The following OPCML variants were observed in gnomAD, a reference collection of about 807,000 sequenced individuals.
The protein encoded by OPCML is opioid binding protein/cell adhesion molecule like.
A neutral mutation model predicts 37.8 loss-of-function variants in OPCML; 13 were observed. The ratio of observed to expected loss-of-function variants is 0.34; its 90% CI spans 0.22 to 0.55. OPCML has a LOEUF of 0.55. Among genes scored for constraint, OPCML ranks in the 20% least tolerant of loss-of-function variants. The pLI is 0.91. For synonymous variants in OPCML, 176 were observed against 168.8 expected, an observed-to-expected ratio of 1.04 and a Z score of -0.33; for missense variants, 341 against 435.6, an observed-to-expected ratio of 0.78 and a Z score of 1.93.
chr11:132,931,601 G>A (rs148363135), intron 2 of OPCML, among the ~76,000 whole-genome samples: 18 of 152,296 alleles, frequency 1.2e-4, no homozygotes, highest in Non-Finnish European at 2.4e-4. Context: ...AAATCACAGT[G>A]AGATGCCACT....
chr11:133,367,129 C>T (rs188302563), intron 1 of OPCML, among the ~76,000 whole-genome samples: 21 of 152,278 alleles, frequency 1.4e-4, no homozygotes, highest in East Asian at 3.9e-4. Context: ...CAGGCATGTA[C>T]CACGACACCC....
chr11:132,554,865 T>TTTG (rs2096390872), intron 3 of OPCML, among the ~76,000 whole-genome samples: 1 of 102,340 alleles, frequency 9.8e-6, no homozygotes, highest in Non-Finnish European at 1.7e-5. Context: ...GGGGTAAAGT[T>TTTG]TTTTTTTTTT....
intron 1 of OPCML, among the ~76,000 whole-genome samples, chr11:133,185,564 T>C (rs1174294313): frequency 6.6e-6 from 1 of 152,162 alleles, no homozygotes; most frequent in Non-Finnish European, 1.5e-5. Context: ...GCATAGGGAA[T>C]AATCTGGAAG....
chr11:132,529,116 A>G lies in OPCML; in HGVS notation c.450T>C (p.Cys150=), dbSNP rs200982224. 6.2e-7 allele frequency: 1 copy of G among 1,613,586 alleles called. No homozygotes were observed. Among genetic ancestry groups the G allele is most frequent in the East Asian group, 2.2e-5 (1 of 44,828 alleles). The change falls in exon 4 of 8, where the codon TGT becomes TGC. Residue 150 remains cysteine, a synonymous_variant. Coordinates refer to ENST00000524381, the MANE Select transcript of OPCML (RefSeq NM_001012393.5). ...VNEGSSVTLL[C]LAIGRPEPTV... ...TTGGCTCTGGTCTGCCAATAGCAAG[A>G]CACAGCAGGGTCACACTGCTTCCCT...
chr11:133,042,381 A>C (rs929726009), intron 1 of OPCML, among the ~76,000 whole-genome samples: 2 of 152,210 alleles, frequency 1.3e-5, no homozygotes, highest in African/African-American at 4.8e-5. Flanking sequence ...AAACCCTTTG[A>C]CAGATGCATT....
chr11:133,392,082 T>C (rs1007060163), intron 1 of OPCML, among the ~76,000 whole-genome samples: 3 of 152,236 alleles, frequency 2.0e-5, no homozygotes, highest in Admixed American at 6.5e-5. Context: ...ACTAATTAAA[T>C]ATTAAGATAT....
intron 2 of OPCML, among the ~76,000 whole-genome samples, chr11:132,782,423 C>A (rs925164561): frequency 1.3e-5 from 2 of 152,190 alleles, no homozygotes; most frequent in African/African-American, 4.8e-5. Context: ...CTGGTGGCTG[C>A]AGGATAAATG....
intron 1 of OPCML, among the ~76,000 whole-genome samples, chr11:133,117,131 A>G (rs2137106988): frequency 1.3e-5 from 2 of 152,332 alleles, no homozygotes; most frequent in African/African-American, 4.8e-5. Flanking sequence ...TACTCAAATT[A>G]TCCCAGATTT....
intron 1 of OPCML, among the ~76,000 whole-genome samples, chr11:133,441,970 T>G (rs1296016040): frequency 6.6e-6 from 1 of 152,206 alleles, no homozygotes; most frequent in Non-Finnish European, 1.5e-5. Flanking sequence ...CTACTAAAAT[T>G]AATAAAATGC....
At chr11:132,556,525 AC>A (rs1157617951) in intron 3 of OPCML, among the ~76,000 whole-genome samples, 1 of 152,210 alleles carries the variant, frequency 6.6e-6, no homozygotes, top group African/African-American at 2.4e-5. Flanking sequence ...CAAAGGTCAC[AC>A]AAACAGGAGA....
intron 2 of OPCML, among the ~76,000 whole-genome samples, chr11:132,867,985 G>A (rs1023279661): frequency 6.6e-6 from 1 of 152,186 alleles, no homozygotes; most frequent in African/African-American, 2.4e-5. Flanking sequence ...TCGGGGCTCC[G>A]TGTTCAAGCC....
chr11:133,514,529 C>T (rs1035117983), intron 1 of OPCML, among the ~76,000 whole-genome samples: 5 of 152,278 alleles, frequency 3.3e-5, no homozygotes, highest in South Asian at 2.1e-4. Flanking sequence ...TCTGAATGTC[C>T]TGCCAACGAC....
intron 2 of OPCML, among the ~76,000 whole-genome samples, chr11:132,887,262 G>A (rs1943460239): frequency 6.6e-6 from 1 of 152,164 alleles, no homozygotes; most frequent in Non-Finnish European, 1.5e-5. Flanking sequence ...GCTCCACCAC[G>A]GAGCCTAGGT....
At chr11:133,524,550 T>C (rs1948452939) in intron 1 of OPCML, among the ~76,000 whole-genome samples, 1 of 152,212 alleles carries the variant, frequency 6.6e-6, no homozygotes, top group Non-Finnish European at 1.5e-5. Flanking sequence ...TTAAACGTGC[T>C]GAGTAATTTT....
At chr11:132,758,214 G>A (rs1946128690) in intron 2 of OPCML, among the ~76,000 whole-genome samples, 1 of 152,162 alleles carries the variant, frequency 6.6e-6, no homozygotes, top group Non-Finnish European at 1.5e-5. Flanking sequence ...TAGCCTTCTA[G>A]TATAGTTTGA....
At chr11:132,723,363 G>A (rs757221171) in intron 2 of OPCML, among the ~76,000 whole-genome samples, 4 of 152,206 alleles carry the variant, frequency 2.6e-5, no homozygotes, top group Non-Finnish European at 5.9e-5. Flanking sequence ...TGGGCTTTGA[G>A]CCAAGCAGAT....
intron 3 of OPCML, among the ~76,000 whole-genome samples, chr11:132,635,550 C>A (rs10894595): frequency 1 from 148,283 of 148,288 alleles, 74,139 homozygotes; most frequent in Middle Eastern, 1. Context: ...AAAAAAAAGC[C>A]AGACTTCATG....
chr11:132,963,273 C>T (rs534431941), intron 1 of OPCML, among the ~76,000 whole-genome samples: 83 of 152,002 alleles, frequency 5.5e-4, no homozygotes, highest in South Asian at 4.2e-4. Context: ...ACACAACAAT[C>T]ACTACACCAC....
intron 1 of OPCML, among the ~76,000 whole-genome samples, chr11:133,317,740 C>T (rs1412737880): frequency 2.0e-5 from 3 of 152,184 alleles, no homozygotes; most frequent in African/African-American, 7.2e-5. Context: ...CAGCAACAAA[C>T]AGCATGTCAA....
Sources: allele counts gnomAD v4.1 joint callset (sites outside exome capture counted in the v4.1 genomes callset), GRCh38; gene constraint gnomAD v4.1.1; transcripts MANE v1.5; gene names NCBI Gene and HGNC (gene_info 2026-07-23, HGNC 2026-07-21).